The following KCNMA1 variants were observed in gnomAD, a reference collection of about 807,000 sequenced individuals.
KCNMA1 encodes the protein potassium calcium-activated channel subfamily M alpha 1.
KCNMA1 carries 29 observed loss-of-function variants against 140.0 expected under a neutral mutation model. The ratio of observed to expected loss-of-function variants is 0.21; its 90% CI spans 0.15 to 0.28. KCNMA1 has a LOEUF of 0.28. Among genes scored for constraint, KCNMA1 ranks in the 10% least tolerant of loss-of-function variants. The pLI is 1.00. For synonymous variants in KCNMA1, 612 were observed against 611.9 expected, an observed-to-expected ratio of 1.00 and a Z score of 0.00; for missense variants, 880 against 1,602.2, an observed-to-expected ratio of 0.55 and a Z score of 7.70.
At chr10:77,184,680 C>A (rs2098833557) in intron 4 of KCNMA1, 143 bp downstream of exon 4, 3 of 708,084 alleles carry the variant, frequency 4.2e-6, no homozygotes, top group Admixed American at 3.9e-5. Flanking sequence ...AGAGGGCTCT[C>A]TCTCAGACTG....
chr10:77,322,462 G>A (rs1024126988), intron 2 of KCNMA1, among the ~76,000 whole-genome samples: 4 of 152,218 alleles, frequency 2.6e-5, no homozygotes, highest in African/African-American at 9.6e-5. Flanking sequence ...CAAGATGTGT[G>A]CTGCAGATGT....
chr10:77,065,841 G>GACTCAACT (rs2095918130), intron 14 of KCNMA1, among the ~76,000 whole-genome samples: 1 of 152,134 alleles, frequency 6.6e-6, no homozygotes, highest in South Asian at 2.1e-4. Flanking sequence ...TTAGAGGAAA[G>GACTCAACT]ACTCAACTGA....
At chr10:77,420,113 G>A (rs1049649614) in intron 1 of KCNMA1, among the ~76,000 whole-genome samples, 10 of 152,208 alleles carry the variant, frequency 6.6e-5, no homozygotes, top group African/African-American at 2.4e-4. Context: ...TGAAAGAGTG[G>A]GTCTTCTGCT....
At chr10:77,189,706 T>C (rs1471884470) in intron 3 of KCNMA1, among the ~76,000 whole-genome samples, 1 of 152,174 alleles carries the variant, frequency 6.6e-6, no homozygotes, top group Non-Finnish European at 1.5e-5. Flanking sequence ...CTCCTCACTC[T>C]TGTGGCTAGT....
intron 5 of KCNMA1, among the ~76,000 whole-genome samples, chr10:77,179,648 C>T (rs1372812215): frequency 6.6e-6 from 1 of 152,022 alleles, no homozygotes; most frequent in Non-Finnish European, 1.5e-5. Context: ...GGGGTAAGGA[C>T]ACAGAAAGAA....
intron 3 of KCNMA1, among the ~76,000 whole-genome samples, chr10:77,238,855 C>G (rs2056429749): frequency 6.6e-6 from 1 of 152,172 alleles, no homozygotes; most frequent in Non-Finnish European, 1.5e-5. Flanking sequence ...ATTTTTGCAG[C>G]TTTCATCCAA....
At chr10:77,565,045 T>TGA (rs2067711215) in intron 1 of KCNMA1, among the ~76,000 whole-genome samples, 4 of 152,308 alleles carry the variant, frequency 2.6e-5, no homozygotes, top group African/African-American at 9.6e-5. Context: ...AGCCACTGCC[T>TGA]CTCGGCCAAA....
At chr10:77,407,782 G>C (rs1422056355) in intron 1 of KCNMA1, among the ~76,000 whole-genome samples, 1 of 152,196 alleles carries the variant, frequency 6.6e-6, no homozygotes, top group Non-Finnish European at 1.5e-5. Context: ...GCACACAGTG[G>C]TTACAGCTGC....
chr10:77,360,296 G>C (rs2093836879), intron 2 of KCNMA1, among the ~76,000 whole-genome samples: 1 of 152,210 alleles, frequency 6.6e-6, no homozygotes. Context: ...CTGATGATTA[G>C]CAGGCCTTGA....
At chr10:77,613,619 G>T (rs940177996) in intron 1 of KCNMA1, among the ~76,000 whole-genome samples, 1 of 152,210 alleles carries the variant, frequency 6.6e-6, no homozygotes, top group Non-Finnish European at 1.5e-5. Context: ...TCACCTCTGT[G>T]CTGTTATTTC....
At chr10:77,616,314 G>A (rs1159685722) in intron 1 of KCNMA1, among the ~76,000 whole-genome samples, 1 of 152,188 alleles carries the variant, frequency 6.6e-6, no homozygotes, top group African/African-American at 2.4e-5. Flanking sequence ...AATGACCTAG[G>A]AGGTTATTGT....
At chr10:77,302,289 C>T (rs2154334211) in intron 2 of KCNMA1, among the ~76,000 whole-genome samples, 1 of 152,238 alleles carries the variant, frequency 6.6e-6, no homozygotes, top group South Asian at 2.1e-4. Context: ...GGTTGAGAAT[C>T]CTCTCTTTTT....
At chr10:77,083,598 G>A (rs187273326) in intron 12 of KCNMA1, among the ~76,000 whole-genome samples, 59 of 152,040 alleles carry the variant, frequency 3.9e-4, no homozygotes, top group Admixed American at 2.1e-3. Context: ...TGCCCAGGTG[G>A]GAGGATCACT....
At chr10:77,262,057 G>C (rs1389441763) in intron 2 of KCNMA1, among the ~76,000 whole-genome samples, 1 of 152,184 alleles carries the variant, frequency 6.6e-6, no homozygotes, top group Admixed American at 6.5e-5. Flanking sequence ...AACCCTGCCA[G>C]TTGTTAAATT....
intron 18 of KCNMA1, among the ~76,000 whole-genome samples, chr10:77,004,315 G>C (rs916812559): frequency 2.6e-5 from 4 of 151,568 alleles, no homozygotes; most frequent in Non-Finnish European, 5.9e-5. Flanking sequence ...AAAAACTATT[G>C]AGCCCCACAT....
intron 3 of KCNMA1, among the ~76,000 whole-genome samples, chr10:77,220,548 TAAG>T (rs765802977): frequency 2.0e-5 from 3 of 152,214 alleles, no homozygotes; most frequent in Admixed American, 1.3e-4. Context: ...AGATAAGTGA[TAAG>T]AAGAAAATCT....
intron 26 of KCNMA1, among the ~76,000 whole-genome samples, chr10:76,891,100 G>C (rs1003378330): frequency 1.3e-4 from 20 of 152,224 alleles, no homozygotes; most frequent in African/African-American, 4.8e-4. Context: ...GCTACGCTAA[G>C]AGCCTGTGGA....
At chr10:77,274,184 C>CTGAT (rs1489314231) in intron 2 of KCNMA1, among the ~76,000 whole-genome samples, 1 of 152,118 alleles carries the variant, frequency 6.6e-6, no homozygotes, top group African/African-American at 2.4e-5. Context: ...TATGACTATC[C>CTGAT]TGATTATAGC....
intron 1 of KCNMA1, among the ~76,000 whole-genome samples, chr10:77,577,836 CTAAACTG>C (rs2154562313): frequency 6.6e-6 from 1 of 152,300 alleles, no homozygotes; most frequent in African/African-American, 2.4e-5. Flanking sequence ...GCTTTGGTGC[CTAAACTG>C]AATAAAGAGC....
Sources: gnomAD v4.1 joint callset for allele counts (sites outside exome capture counted in the v4.1 genomes callset) on GRCh38, gnomAD v4.1.1 for gene constraint, MANE v1.5 for transcripts, NCBI Gene and HGNC (gene_info 2026-07-23, HGNC 2026-07-21) for gene names.